Variants in FRS2 observed in about 807,000 individuals in gnomAD.
FRS2 encodes fibroblast growth factor receptor substrate 2.
In FRS2, 8 loss-of-function variants were observed where a neutral mutation model predicts 43.9. The ratio of observed to expected loss-of-function variants is 0.18; its 90% CI spans 0.11 to 0.33. FRS2 has a LOEUF of 0.33. FRS2 is among the 10% of genes least tolerant of loss of function. The pLI is 1.00. For missense variants in FRS2, 534 were observed against 627.6 expected (o/e 0.85, Z 1.59); for synonymous variants, 219 against 220.3 (o/e 0.99, Z 0.05).
chr12:69,513,290 C>A (rs2135580550), intron 1 of FRS2, among the ~76,000 whole-genome samples: 1 of 151,434 alleles, frequency 6.6e-6, no homozygotes, highest in Non-Finnish European at 1.5e-5. Context: ...GGTTGGCAGT[C>A]AACAATCACC....
intron 1 of FRS2, among the ~76,000 whole-genome samples, chr12:69,492,656 G>T (rs146925990): frequency 2.0e-5 from 3 of 152,224 alleles, no homozygotes; most frequent in African/African-American, 7.2e-5. Flanking sequence ...GGATAGCTTG[G>T]CTCCATATGG....
At chr12:69,547,231 G>A (rs376370551) in intron 3 of FRS2, among the ~76,000 whole-genome samples, 2 of 152,122 alleles carry the variant, frequency 1.3e-5, no homozygotes, top group South Asian at 2.1e-4. Flanking sequence ...ACTGTTTAAC[G>A]GCCGTGGAGT....
At position 69,472,582 on chromosome 12, in the gene FRS2, G is replaced by A. The variant is rs1870409012; in HGVS notation, c.-261+2052G>A. On this transcript the variant is annotated intron_variant, in intron 1 of 8. Coordinates refer to ENST00000549921, the MANE Select transcript of FRS2 (RefSeq NM_001278356.2). ...GGGAAATACTTCAAGAGTTTTAAGA[G>A]CAGAGAAAGGTGATTGGGGAAAATC... Among the ~76,000 whole-genome samples, 3 of 152,172 alleles carry A rather than the reference G, an allele frequency of 2.0e-5. No homozygotes were observed. The South Asian group carries it at 6.2e-4, about 32-fold the overall frequency.
At chr12:69,563,147 T>C (rs1667654803) in intron 4 of FRS2, among the ~76,000 whole-genome samples, 1 of 152,228 alleles carries the variant, frequency 6.6e-6, no homozygotes. Flanking sequence ...ACAATATTAA[T>C]GCATATTATT....
intron 1 of FRS2, among the ~76,000 whole-genome samples, chr12:69,507,753 G>A (rs776074915): frequency 1.3e-5 from 2 of 152,058 alleles, no homozygotes; most frequent in Non-Finnish European, 2.9e-5. Context: ...AGCCGGGCCC[G>A]GTGGCTCACG....
At position 69,561,690 on chromosome 12, in the gene FRS2, G is replaced by A. The variant is rs562296465; in HGVS notation, c.-121-490G>A. ...GATTTTTCTGAACTGGTTTTGGAGG[G>A]GTCTTGTGGAATAGGAAGATATGGG... On this transcript the variant is annotated intron_variant, in intron 3 of 8. Coordinates refer to ENST00000549921, the MANE Select transcript of FRS2 (RefSeq NM_001278356.2). Among the ~76,000 whole-genome samples, 15 of 152,252 alleles carry A rather than the reference G, an allele frequency of 9.9e-5. No individual in the cohort carries two copies. The South Asian group carries it at 1.7e-3, about 17-fold the overall frequency.
At chr12:69,560,826 G>A (rs1366304610) in intron 3 of FRS2, among the ~76,000 whole-genome samples, 2 of 152,054 alleles carry the variant, frequency 1.3e-5, no homozygotes, top group Non-Finnish European at 2.9e-5. Context: ...GTTTTTAAGA[G>A]CTTAATGAGT....
intron 3 of FRS2, among the ~76,000 whole-genome samples, chr12:69,555,535 A>G (rs920490317): frequency 6.6e-6 from 1 of 152,230 alleles, no homozygotes; most frequent in Non-Finnish European, 1.5e-5. Context: ...CGTATATACA[A>G]TTGACCCTTT....
intron 1 of FRS2, among the ~76,000 whole-genome samples, chr12:69,497,977 T>G (rs1873062273): frequency 6.6e-6 from 1 of 151,848 alleles, no homozygotes; most frequent in African/African-American, 2.4e-5. Flanking sequence ...AAAAAGATAA[T>G]TCCACCAATA....
At chr12:69,513,009 G>A (rs1874609559) in intron 1 of FRS2, among the ~76,000 whole-genome samples, 1 of 152,148 alleles carries the variant, frequency 6.6e-6, no homozygotes, top group Non-Finnish European at 1.5e-5. Flanking sequence ...GGAATCAGAA[G>A]ATAAGTTCCT....
intron 7 of FRS2, among the ~76,000 whole-genome samples, 173 bp from the exon 8 acceptor site, chr12:69,571,945 C>T (rs1880799263): frequency 6.6e-6 from 1 of 152,126 alleles, no homozygotes; most frequent in South Asian, 2.1e-4. Flanking sequence ...TGAAAACATT[C>T]AGTATTTCAT....
intron 1 of FRS2, among the ~76,000 whole-genome samples, chr12:69,498,803 G>C (rs1000513779): frequency 1.3e-5 from 2 of 152,108 alleles, no homozygotes; most frequent in Non-Finnish European, 2.9e-5. Flanking sequence ...CATAAAGTCA[G>C]GTGTATTTGT....
chr12:69,548,613 G>A (rs539512), intron 3 of FRS2, among the ~76,000 whole-genome samples: 93,683 of 152,052 alleles, frequency 0.62, 30,782 homozygotes, highest in African/African-American at 0.85. Context: ...GAAAACATCA[G>A]TAACAGCTGC....
intron 1 of FRS2, among the ~76,000 whole-genome samples, chr12:69,501,770 G>C (rs1327388338): frequency 6.6e-6 from 1 of 152,124 alleles, no homozygotes. Context: ...TGTATTACCT[G>C]AAAGTAAATT....
intron 3 of FRS2, among the ~76,000 whole-genome samples, chr12:69,533,191 G>T (rs796659378): frequency 3.9e-5 from 6 of 152,238 alleles, no homozygotes; most frequent in African/African-American, 1.4e-4. Context: ...AGCCTGAGAA[G>T]TTTAAAAAAC....
At chr12:69,494,553 G>A (rs1695494143) in intron 1 of FRS2, among the ~76,000 whole-genome samples, 1 of 152,138 alleles carries the variant, frequency 6.6e-6, no homozygotes, top group South Asian at 2.1e-4. Flanking sequence ...TTGACATCTT[G>A]AGCCAGATAC....
At chr12:69,505,349 T>C (rs1447903162) in intron 1 of FRS2, among the ~76,000 whole-genome samples, 2 of 152,222 alleles carry the variant, frequency 1.3e-5, no homozygotes, top group African/African-American at 4.8e-5. Flanking sequence ...TAGGATTCAC[T>C]GTGTAGCTAA....
intron 1 of FRS2, among the ~76,000 whole-genome samples, chr12:69,508,135 T>G (rs1323791069): frequency 6.6e-6 from 1 of 152,134 alleles, no homozygotes; most frequent in East Asian, 1.9e-4. Context: ...CCTGTGTGTA[T>G]TTTTCTGTGA....
intron 1 of FRS2, among the ~76,000 whole-genome samples, chr12:69,499,823 T>C (rs573566299): frequency 6.6e-6 from 1 of 151,814 alleles, no homozygotes; most frequent in African/African-American, 2.4e-5. Context: ...CAGAAGAAAA[T>C]GGTGTTGAAT....
Sources: gnomAD v4.1 joint callset for allele counts (sites outside exome capture counted in the v4.1 genomes callset) on GRCh38, gnomAD v4.1.1 for gene constraint, MANE v1.5 for transcripts, NCBI Gene and HGNC (gene_info 2026-07-23, HGNC 2026-07-21) for gene names.